NTNG1: variants seen among roughly 807,000 people sequenced by gnomAD.
NTNG1 encodes netrin-G1.
NTNG1 carries 16 observed loss-of-function variants against 54.0 expected under a neutral mutation model. The observed-to-expected ratio is 0.30, with a 90% CI of 0.20 to 0.45. NTNG1 has a LOEUF of 0.45. Among genes scored for constraint, NTNG1 ranks in the 20% least tolerant of loss-of-function variants. NTNG1 has a pLI of 1.00. For missense variants in NTNG1, 530 were observed against 678.7 expected (o/e 0.78, Z 2.43); for synonymous variants, 255 against 263.1 (o/e 0.97, Z 0.30).
At chr1:107,427,578 T>A (rs1557991260) in intron 5 of NTNG1, among the ~76,000 whole-genome samples, 1 of 152,084 alleles carries the variant, frequency 6.6e-6, no homozygotes, top group Non-Finnish European at 1.5e-5. Context: ...ACTCTCATGT[T>A]TTTCAAATCA....
intron 3 of NTNG1, among the ~76,000 whole-genome samples, chr1:107,379,111 A>T (rs2101025720): frequency 6.6e-6 from 1 of 152,258 alleles, no homozygotes; most frequent in East Asian, 1.9e-4. Flanking sequence ...AAAGGCTACC[A>T]CACACTCTGC....
At position 107,165,040 on chromosome 1, in the gene NTNG1, G is replaced by T. The variant is rs143224093; in HGVS notation, c.246+16201G>T. Among the ~76,000 whole-genome samples the T allele has an allele frequency of 1.5e-3, 235 of 152,200 alleles. 2 individuals carry two copies. Among genetic ancestry groups the T allele is most frequent in the African/African-American group, 5.4e-3 (224 of 41,512 alleles). On this transcript the variant is annotated intron_variant, in intron 2 of 7. Transcript: ENST00000370068. ...AGTGGGGTGAGTAGTTTGGCGGGAA[G>T]GGCGGTTACAGAACAGGTGACTCAG...
intron 4 of NTNG1, among the ~76,000 whole-genome samples, chr1:107,396,889 C>T (rs1672718345): frequency 6.6e-6 from 1 of 152,182 alleles, no homozygotes; most frequent in Non-Finnish European, 1.5e-5. Flanking sequence ...GGGAAGGCTG[C>T]TGTTGAAGCC....
At chr1:107,196,156 T>C (rs1349435736) in intron 2 of NTNG1, among the ~76,000 whole-genome samples, 1 of 151,894 alleles carries the variant, frequency 6.6e-6, no homozygotes, top group African/African-American at 2.4e-5. Flanking sequence ...ATAATCCATA[T>C]AAAGGATCTC....
intron 7 of NTNG1, among the ~76,000 whole-genome samples, chr1:107,466,335 A>AT (rs772135587): frequency 4.6e-5 from 7 of 152,154 alleles, no homozygotes; most frequent in Non-Finnish European, 1.0e-4. Context: ...GGAATATGTC[A>AT]TTTTTTCTAT....
chr1:107,298,633 G>A (rs12082323), intron 2 of NTNG1, among the ~76,000 whole-genome samples: 61,593 of 151,878 alleles, frequency 0.41, 12,585 homozygotes, highest in East Asian at 0.49. Flanking sequence ...TTTTCCTCCC[G>A]CTTATTTTGT....
At chr1:107,466,513 T>C (rs750859732) in intron 7 of NTNG1, among the ~76,000 whole-genome samples, 8 of 152,198 alleles carry the variant, frequency 5.3e-5, no homozygotes, top group Non-Finnish European at 1.0e-4. Context: ...AAAGTACATA[T>C]CTTCAGAAAA....
chr1:107,157,438 G>A (rs986846072), intron 2 of NTNG1, among the ~76,000 whole-genome samples: 2 of 152,140 alleles, frequency 1.3e-5, no homozygotes, highest in Admixed American at 1.3e-4. Flanking sequence ...CTACCAGCAT[G>A]TTATGCAAAT....
chr1:107,392,358 C>T (rs775289009), intron 3 of NTNG1, among the ~76,000 whole-genome samples: 11 of 151,700 alleles, frequency 7.3e-5, no homozygotes, highest in Admixed American at 2.0e-4. Context: ...GTTTGTAATG[C>T]GAAGGAAGTT....
At chr1:107,286,524 T>A (rs1033912248) in intron 2 of NTNG1, among the ~76,000 whole-genome samples, 2 of 152,204 alleles carry the variant, frequency 1.3e-5, no homozygotes, top group African/African-American at 4.8e-5. Flanking sequence ...TCATTTTCTT[T>A]CTGCAATTTA....
At chr1:107,391,139 G>A (rs1366882434) in intron 3 of NTNG1, among the ~76,000 whole-genome samples, 10 of 152,188 alleles carry the variant, frequency 6.6e-5, no homozygotes, top group South Asian at 2.1e-4. Flanking sequence ...AGTACCTGAA[G>A]GCAAAGCTTG....
chr1:107,438,899 C>T (rs1675778856), intron 7 of NTNG1, among the ~76,000 whole-genome samples: 1 of 152,168 alleles, frequency 6.6e-6, no homozygotes, highest in Non-Finnish European at 1.5e-5. Flanking sequence ...GCCTCAGTTC[C>T]AGAACCTCAC....
chr1:107,395,862 G>C (rs1672651003), intron 4 of NTNG1, among the ~76,000 whole-genome samples: 1 of 152,144 alleles, frequency 6.6e-6, no homozygotes, highest in Non-Finnish European at 1.5e-5. Flanking sequence ...ACCTGCTTTG[G>C]ATCCTGTGTG....
chr1:107,386,996 C>A (rs1026363532), intron 3 of NTNG1, among the ~76,000 whole-genome samples: 1 of 152,176 alleles, frequency 6.6e-6, no homozygotes, highest in African/African-American at 2.4e-5. Context: ...CCCTTAATGA[C>A]AAATAATGTT....
chr1:107,204,159 C>T (rs368490734), intron 2 of NTNG1, among the ~76,000 whole-genome samples: 4 of 152,000 alleles, frequency 2.6e-5, no homozygotes, highest in Non-Finnish European at 1.5e-5. Context: ...CTCTGGAATA[C>T]ATTTATTTCC....
At chr1:107,172,305 C>A (rs979298928) in intron 2 of NTNG1, among the ~76,000 whole-genome samples, 1 of 152,124 alleles carries the variant, frequency 6.6e-6, no homozygotes, top group African/African-American at 2.4e-5. Context: ...TTCTTGGGGA[C>A]CTTAGCATAA....
At chr1:107,332,743 G>A (rs1418839952) in intron 3 of NTNG1, among the ~76,000 whole-genome samples, 2 of 151,964 alleles carry the variant, frequency 1.3e-5, no homozygotes, top group African/African-American at 2.4e-5. Flanking sequence ...TGATTGTGTG[G>A]ATTGATATAT....
intron 2 of NTNG1, among the ~76,000 whole-genome samples, chr1:107,315,773 C>A (rs1667301924): frequency 1.3e-5 from 2 of 152,032 alleles, no homozygotes; most frequent in Admixed American, 6.6e-5. Flanking sequence ...GCTGCCTTTC[C>A]AACTAACCTG....
chr1:107,175,569 T>C (rs979793874), intron 2 of NTNG1, among the ~76,000 whole-genome samples: 1 of 152,104 alleles, frequency 6.6e-6, no homozygotes, highest in African/African-American at 2.4e-5. Flanking sequence ...ATAATTAATG[T>C]CACTGAGGTA....
Sources: allele counts gnomAD v4.1 joint callset (sites outside exome capture counted in the v4.1 genomes callset), GRCh38; gene constraint gnomAD v4.1.1; transcripts MANE v1.5; gene names NCBI Gene and HGNC (gene_info 2026-07-23, HGNC 2026-07-21).